Variants in TENT5D observed in about 807,000 individuals in gnomAD.
The protein encoded by TENT5D is terminal nucleotidyltransferase 5D.
For synonymous variants in TENT5D, 103 were observed against 100.6 expected, an observed-to-expected ratio of 1.02 and a Z score of -0.15; for missense variants, 191 against 287.0, an observed-to-expected ratio of 0.67 and a Z score of 2.42.
chrX:80,444,021 G>A lies in TENT5D; in HGVS notation c.*312G>A, dbSNP rs919922954. ...TACTTGTGACTTTCAAATTTACTGT[G>A]ACAAATATATTAGAGATGCCTGCAT... On this transcript the variant is annotated 3_prime_UTR_variant, in exon 3 of 3. Coordinates refer to ENST00000308293, the Ensembl canonical transcript of TENT5D. 8.7e-5 allele frequency: 18 copies of A among 207,231 alleles called. 1 individual carries two copies. The highest frequency in any genetic ancestry group is 5.3e-4 in the African/African-American group (18 of 34,023). The allele number at this position is 207,231 out of a possible 1,213,427, so 17.1% of individuals were successfully genotyped here.
intron 3 of TENT5D, among the ~76,000 whole-genome samples, chrX:80,397,936 A>C (rs1244439335): frequency 9.0e-6 from 1 of 110,775 alleles, no homozygotes; most frequent in Non-Finnish European, 1.9e-5. Context: ...AGGGAGACGG[A>C]GACCGTGGGA....
At chrX:80,426,933 T>C (rs766008234) in intron 1 of TENT5D, among the ~76,000 whole-genome samples, 11 of 111,312 alleles carry the variant, frequency 9.9e-5, no homozygotes, top group African/African-American at 3.6e-4. Flanking sequence ...GCTATTCTCA[T>C]GATAGTGAAT....
intron 3 of TENT5D, among the ~76,000 whole-genome samples, chrX:80,380,933 T>C (rs1481937234): frequency 1.8e-5 from 2 of 112,021 alleles, no homozygotes; most frequent in African/African-American, 3.2e-5. Context: ...CTGTGTCTTT[T>C]AATTGGGGCA....
upstream of TENT5D, among the ~76,000 whole-genome samples, chrX:80,417,143 T>C (rs1444150195): frequency 9.0e-6 from 1 of 111,250 alleles, no homozygotes; most frequent in African/African-American, 3.3e-5. Context: ...TTTTCTATTT[T>C]CCATTTGTAT....
At position 80,388,282 on chromosome X, in the gene TENT5D, C is replaced by G. The variant is rs771995333; in HGVS notation, c.-142+45718C>G. Among the ~76,000 whole-genome samples, 3 of 111,135 alleles carry G rather than the reference C, an allele frequency of 2.7e-5. No homozygotes were observed. The South Asian group carries it at 1.2e-3, about 43-fold the overall frequency. On this transcript the variant is annotated intron_variant, in intron 3 of 4. Coordinates refer to the TENT5D transcript ENST00000538312. ...AAAACAAAGTCCCCTTTGCTTTTCC[C>G]TCTCCTTTTCTCAAGCAGAGGGAGT...
chrX:80,395,076 G>A (rs1569365496), intron 3 of TENT5D, among the ~76,000 whole-genome samples: 1 of 111,333 alleles, frequency 9.0e-6, no homozygotes, highest in African/African-American at 3.3e-5. Context: ...ATTTCTATGA[G>A]AACAACTTTT....
chrX:80,406,102 A>G (rs1413007945), intron 3 of TENT5D, among the ~76,000 whole-genome samples: 7 of 110,286 alleles, frequency 6.3e-5, no homozygotes, highest in Non-Finnish European at 1.1e-4. Context: ...CCATCTGTAC[A>G]TCACCATCAT....
At chrX:80,390,023 TATTATACAC>T (rs772589188) in intron 3 of TENT5D, among the ~76,000 whole-genome samples, 44 of 111,137 alleles carry the variant, frequency 4.0e-4, no homozygotes, top group Admixed American at 1.3e-3. Flanking sequence ...GAGGATGGGA[TATTATACAC>T]AGGTGGAGGG....
At chrX:80,409,595 G>A (rs931724314) in intron 3 of TENT5D, among the ~76,000 whole-genome samples, 2 of 111,089 alleles carry the variant, frequency 1.8e-5, no homozygotes, top group African/African-American at 6.6e-5. Context: ...GGAAATAAAA[G>A]AGGATACAAA....
At chrX:80,343,574 A>AT (rs1285286634) in intron 3 of TENT5D, among the ~76,000 whole-genome samples, 2 of 107,955 alleles carry the variant, frequency 1.9e-5, no homozygotes, top group Admixed American at 2.0e-4. Flanking sequence ...ATTTTTTTGT[A>AT]TTTTTAGTAG....
chrX:80,391,629 C>A (rs1246419066), intron 3 of TENT5D, among the ~76,000 whole-genome samples: 3 of 111,890 alleles, frequency 2.7e-5, no homozygotes, highest in Non-Finnish European at 5.6e-5. Context: ...AAAAATATAT[C>A]ATGTCTGAAA....
At chrX:80,389,841 GAA>G (rs1931092715) in intron 3 of TENT5D, among the ~76,000 whole-genome samples, 1 of 112,030 alleles carries the variant, frequency 8.9e-6, no homozygotes, top group Non-Finnish European at 1.9e-5. Context: ...TTTGTAAAGG[GAA>G]AAGAGAAATA....
chrX:80,354,396 T>G (rs761279900), intron 3 of TENT5D, among the ~76,000 whole-genome samples: 2 of 111,828 alleles, frequency 1.8e-5, no homozygotes, highest in Non-Finnish European at 3.8e-5. Context: ...AATTTCCTAC[T>G]TTTTAAAATT....
intron 3 of TENT5D, among the ~76,000 whole-genome samples, chrX:80,386,113 C>T (rs1930996310): frequency 8.9e-6 from 1 of 112,157 alleles, no homozygotes; most frequent in African/African-American, 3.2e-5. Flanking sequence ...GCTATAAAGA[C>T]ACATGCACAC....
At chrX:80,435,204 A>T (rs189230349) in intron 1 of TENT5D, among the ~76,000 whole-genome samples, 9 of 112,071 alleles carry the variant, frequency 8.0e-5, no homozygotes, top group African/African-American at 2.3e-4. Context: ...TTCAAGCACT[A>T]CAGTCAATTA....
intron 3 of TENT5D, among the ~76,000 whole-genome samples, chrX:80,403,565 G>A (rs1224538622): frequency 2.7e-5 from 3 of 112,180 alleles, no homozygotes; most frequent in Non-Finnish European, 1.9e-5. Context: ...GGCAAGCTTC[G>A]CTGTGCTTTA....
At chrX:80,390,479 A>G (rs1931102478) in intron 3 of TENT5D, among the ~76,000 whole-genome samples, 1 of 111,854 alleles carries the variant, frequency 8.9e-6, no homozygotes, top group Admixed American at 9.5e-5. Context: ...GCAGTGAGAC[A>G]GAAGTTATGA....
intron 3 of TENT5D, among the ~76,000 whole-genome samples, chrX:80,388,961 G>A (rs1265128107): frequency 9.0e-6 from 1 of 111,712 alleles, no homozygotes; most frequent in Non-Finnish European, 1.9e-5. Context: ...TGTGTCAAAT[G>A]TTCCCTCCAT....
chrX:80,411,746 C>G (rs1290533875), intron 3 of TENT5D, among the ~76,000 whole-genome samples: 1 of 112,110 alleles, frequency 8.9e-6, no homozygotes, highest in African/African-American at 3.2e-5. Flanking sequence ...CTTAATATAA[C>G]TTTAGATTTT....
Sources: allele counts gnomAD v4.1 joint callset (sites outside exome capture counted in the v4.1 genomes callset), GRCh38; gene constraint gnomAD v4.1.1; transcripts MANE v1.5; gene names NCBI Gene and HGNC (gene_info 2026-07-23, HGNC 2026-07-21).